MELK: variants seen among roughly 807,000 people sequenced by gnomAD.
The protein encoded by MELK is maternal embryonic leucine zipper kinase.
A neutral mutation model predicts 85.0 loss-of-function variants in MELK; 81 were observed. The ratio of observed to expected loss-of-function variants is 0.95; its 90% CI spans 0.80 to 1.15. The LOEUF is 1.15. Among genes scored for constraint, MELK ranks in the 50% most tolerant of loss-of-function variants. The pLI, the probability that MELK is intolerant of heterozygous loss-of-function variation, is 0.00. For synonymous variants in MELK, 252 were observed against 265.0 expected, an observed-to-expected ratio of 0.95 and a Z score of 0.48; for missense variants, 754 against 777.5, an observed-to-expected ratio of 0.97 and a Z score of 0.36.
At chr9:36,629,779 G>A (rs2136446124) in intron 8 of MELK, among the ~76,000 whole-genome samples, 1 of 150,704 alleles carries the variant, frequency 6.6e-6, no homozygotes, top group East Asian at 1.9e-4. Flanking sequence ...TCTCTGATAT[G>A]TGGATAATTT....
At chr9:36,659,294 G>T (rs1831565423) in intron 13 of MELK, among the ~76,000 whole-genome samples, 1 of 152,196 alleles carries the variant, frequency 6.6e-6, no homozygotes, top group South Asian at 2.1e-4. Context: ...GGGATTACAG[G>T]CATGAGCCAC....
chr9:36,600,083 T>C (rs909988224), intron 7 of MELK, among the ~76,000 whole-genome samples: 1 of 147,934 alleles, frequency 6.8e-6, no homozygotes, highest in African/African-American at 2.6e-5. Context: ...GTCCAAATCT[T>C]TTTTTGTTTT....
At chr9:36,644,955 T>A (rs563077473) in intron 11 of MELK, among the ~76,000 whole-genome samples, 1 of 152,202 alleles carries the variant, frequency 6.6e-6, no homozygotes, top group Admixed American at 6.5e-5. Context: ...CTACAAACTT[T>A]AAAAATCTGA....
chr9:36,665,472 A>G lies in MELK; in HGVS notation c.1299A>G (p.Val433=), dbSNP rs2137838977. 1 of 1,613,584 alleles carries G rather than the reference A, an allele frequency of 6.2e-7. No individual in the cohort carries two copies. Among genetic ancestry groups the G allele is most frequent in the Middle Eastern group, 1.7e-4 (1 of 6,056 alleles). The change falls in exon 14 of 18, where the codon GTA becomes GTG. Residue 433 remains valine (V), a synonymous_variant. Transcript: ENST00000298048. ...ATGTATATACTCCTAAGTCTGCTGTAAAGAATGAAGAGTACTTTATGTTTC... is the reference window on the plus strand; with the variant it reads ...ATGTATATACTCCTAAGTCTGCTGTGAAGAATGAAGAGTACTTTATGTTTC... The part of the protein sequence containing the change: ...KENVYTPKSA[V]KNEEYFMFPE...
At chr9:36,676,229 A>C (rs573903410) in intron 17 of MELK, among the ~76,000 whole-genome samples, 1 of 152,348 alleles carries the variant, frequency 6.6e-6, no homozygotes, top group African/African-American at 2.4e-5. Flanking sequence ...AAGAAAAAGA[A>C]TATTTTGGTA....
chr9:36,646,457 T>C (rs1830222501), intron 11 of MELK, among the ~76,000 whole-genome samples: 1 of 152,212 alleles, frequency 6.6e-6, no homozygotes, highest in Non-Finnish European at 1.5e-5. Flanking sequence ...CTCCCACTTT[T>C]ATATTATATA....
At chr9:36,620,496 A>G (rs1827288321) in intron 8 of MELK, among the ~76,000 whole-genome samples, 1 of 149,450 alleles carries the variant, frequency 6.7e-6, no homozygotes, top group Non-Finnish European at 1.5e-5. Flanking sequence ...AAGTTCTTTG[A>G]CTTCTGTTTC....
At chr9:36,644,564 A>C (rs1830057887) in intron 11 of MELK, among the ~76,000 whole-genome samples, 1 of 152,208 alleles carries the variant, frequency 6.6e-6, no homozygotes, top group South Asian at 2.1e-4. Flanking sequence ...CCTTTAGGGA[A>C]ATAGTAAGAC....
chr9:36,576,113 C>G (rs1821625005), intron 1 of MELK, among the ~76,000 whole-genome samples: 1 of 152,162 alleles, frequency 6.6e-6, no homozygotes, highest in South Asian at 2.1e-4. Flanking sequence ...GTATTTAATC[C>G]TGTGCCTTCA....
chr9:36,676,061 T>G (rs1833315866), intron 17 of MELK, among the ~76,000 whole-genome samples: 1 of 152,162 alleles, frequency 6.6e-6, no homozygotes, highest in Non-Finnish European at 1.5e-5. Context: ...GTCACAGGTC[T>G]CTCAATGATC....
At chr9:36,647,433 C>T (rs1234838189) in intron 11 of MELK, among the ~76,000 whole-genome samples, 3 of 151,780 alleles carry the variant, frequency 2.0e-5, no homozygotes, top group African/African-American at 4.8e-5. Flanking sequence ...TTTTCCACCC[C>T]ACCATAGTTT....
chr9:36,667,929 G>A (rs1217661293), intron 14 of MELK, among the ~76,000 whole-genome samples: 1 of 151,920 alleles, frequency 6.6e-6, no homozygotes, highest in East Asian at 1.9e-4. Flanking sequence ...CACCATGCCC[G>A]GTTAATTTTT....
chr9:36,616,036 C>T (rs10814416), intron 8 of MELK, among the ~76,000 whole-genome samples: 4 of 152,122 alleles, frequency 2.6e-5, no homozygotes, highest in East Asian at 1.9e-4. Flanking sequence ...CCGCGGGGCC[C>T]GTCCGCTCCT....
chr9:36,614,294 C>T (rs1210079249), intron 8 of MELK, among the ~76,000 whole-genome samples: 3 of 151,876 alleles, frequency 2.0e-5, no homozygotes, highest in Non-Finnish European at 4.4e-5. Flanking sequence ...TGGGGTTTCG[C>T]CATGTTGGCC....
intron 8 of MELK, among the ~76,000 whole-genome samples, chr9:36,615,958 C>A (rs1317748212): frequency 6.6e-6 from 1 of 152,074 alleles, no homozygotes; most frequent in African/African-American, 2.4e-5. Context: ...GGGGTGGCGG[C>A]CAGGCAGAGG....
rs577181146 is a variant in MELK at position 36,650,578 on chromosome 9, A to G, written c.922-1168A>G. Among the ~76,000 whole-genome samples the G allele has an allele frequency of 2.0e-5, 3 of 152,360 alleles. No individual in the cohort carries two copies. In the East Asian group the frequency reaches 5.8e-4, roughly 29 times the overall value. On this transcript the variant is annotated intron_variant, in intron 11 of 17. Coordinates refer to ENST00000298048, the MANE Select transcript of MELK (RefSeq NM_014791.4). The stretch of plus-strand genomic sequence containing the variant: ...CAACCCAGAATTCTCTGCTTAACCA[A>G]ATCAGAATCAATTGTGAAGATAGAA...
chr9:36,583,827 T>TAAAAAAGGTATA, intron 3 of MELK, 115 bp downstream of exon 3: 2 of 701,964 alleles, frequency 2.8e-6, no homozygotes, highest in Non-Finnish European at 4.5e-6. Flanking sequence ...TTATACCTTT[T>TAAAAAAGGTATA]AAAAAACGTA....
chr9:36,638,315 C>T (rs558205466), intron 10 of MELK, among the ~76,000 whole-genome samples: 179 of 152,048 alleles, frequency 1.2e-3, no homozygotes, highest in Non-Finnish European at 2.2e-3. Flanking sequence ...AATGGAGTTT[C>T]GTTCTTGTTG....
intron 10 of MELK, among the ~76,000 whole-genome samples, chr9:36,635,121 T>C (rs958507238): frequency 2.6e-5 from 4 of 152,168 alleles, no homozygotes; most frequent in African/African-American, 9.7e-5. Context: ...TTAATATATT[T>C]TACTGGTTTA....
Sources: allele counts gnomAD v4.1 joint callset (sites outside exome capture counted in the v4.1 genomes callset), GRCh38; gene constraint gnomAD v4.1.1; transcripts MANE v1.5; gene names NCBI Gene and HGNC (gene_info 2026-07-23, HGNC 2026-07-21).